Variants in FAM167A observed in about 807,000 individuals in gnomAD.
The protein encoded by FAM167A is protein FAM167A.
FAM167A carries 23 observed loss-of-function variants against 14.9 expected under a neutral mutation model. The observed-to-expected ratio is 1.55, with a 90% CI of 1.11 to 2.19. FAM167A has a LOEUF of 2.19. Ranked by LOEUF, FAM167A falls within the 30% of genes most tolerant of loss-of-function variation. The pLI is 0.00. For synonymous variants in FAM167A, 174 were observed against 117.7 expected (o/e 1.48, Z -3.10); for missense variants, 401 against 281.5 (o/e 1.42, Z -3.04).
At chr8:11,436,222 G>T (rs907425096) in intron 2 of FAM167A, among the ~76,000 whole-genome samples, 4 of 152,248 alleles carry the variant, frequency 2.6e-5, no homozygotes, top group Non-Finnish European at 5.9e-5. Flanking sequence ...TCAGACTGGA[G>T]ATGCGGTGGG....
At chr8:11,461,376 G>C (rs1352535411) in intron 1 of FAM167A, among the ~76,000 whole-genome samples, 2 of 152,282 alleles carry the variant, frequency 1.3e-5, no homozygotes, top group Non-Finnish European at 2.9e-5. Context: ...GCCCAGACGG[G>C]CTAAGGCAGC....
chr8:11,463,626 C>T (rs1485360669), intron 1 of FAM167A, among the ~76,000 whole-genome samples: 1 of 152,188 alleles, frequency 6.6e-6, no homozygotes, highest in East Asian at 1.9e-4. Flanking sequence ...TGGGCCTGTC[C>T]CTCTAGGGAT....
At chr8:11,433,929 A>G (rs1289257981) in intron 2 of FAM167A, 1 of 152,170 alleles carries the variant, frequency 6.6e-6, no homozygotes, top group African/African-American at 2.4e-5. Flanking sequence ...GGTCTGCCTT[A>G]TTATTTTCGT....
chr8:11,444,516 G>T lies in FAM167A; in HGVS notation c.-105C>A. ...CCCGCTCTGGGATGGCCTCATCCAG[G>T]TGCCCGAGGGCATTTCCGGGACAGG... On this transcript the variant is annotated 5_prime_UTR_variant, in exon 2 of 3. Coordinates refer to ENST00000284486, the MANE Select transcript of FAM167A (RefSeq NM_053279.3). 1 of 1,478,336 alleles carries T rather than the reference G, an allele frequency of 6.8e-7. No individual in the cohort carries two copies. Among genetic ancestry groups the T allele is most frequent in the Non-Finnish European group, 8.9e-7 (1 of 1,121,384 alleles). 91.6% of individuals were successfully genotyped at this position (1,478,336 alleles called of 1,614,324 possible).
intron 2 of FAM167A, among the ~76,000 whole-genome samples, chr8:11,428,010 G>A (rs1043343563): frequency 4.6e-5 from 7 of 152,238 alleles, no homozygotes; most frequent in African/African-American, 1.7e-4. Context: ...CTGCCTGAAA[G>A]ATATTGTCTG....
chr8:11,435,702 T>A (rs73663141), intron 2 of FAM167A, among the ~76,000 whole-genome samples: 217 of 152,324 alleles, frequency 1.4e-3, no homozygotes, highest in African/African-American at 5.0e-3. Context: ...CTCTTCAACT[T>A]GCTGGTGACG....
At chr8:11,459,926 C>A (rs1807471376) in intron 1 of FAM167A, among the ~76,000 whole-genome samples, 1 of 152,204 alleles carries the variant, frequency 6.6e-6, no homozygotes, top group African/African-American at 2.4e-5. Context: ...CGGGGTTTCA[C>A]CATATTGGCC....
chr8:11,445,497 T>A, intron 1 of FAM167A: 5 of 985,704 alleles, frequency 5.1e-6, no homozygotes, highest in Non-Finnish European at 6.0e-6. Context: ...GCTGGATGGC[T>A]AAACAAGCAG....
chr8:11,467,212 A>G (rs529213051), upstream of FAM167A, among the ~76,000 whole-genome samples: 1 of 152,348 alleles, frequency 6.6e-6, no homozygotes, highest in Non-Finnish European at 1.5e-5. Flanking sequence ...CAGCAGGGCA[A>G]GTGTAGGCAT....
chr8:11,456,383 CCTGG>C (rs1585274518), intron 1 of FAM167A, among the ~76,000 whole-genome samples: 15 of 7,506 alleles, frequency 2.0e-3, no homozygotes, highest in Non-Finnish European at 2.3e-3. Flanking sequence ...GGTTGCCCTG[CCTGG>C]TGTGTGTGTG....
At chr8:11,437,701 C>T (rs541352527) in intron 2 of FAM167A, among the ~76,000 whole-genome samples, 15 of 152,168 alleles carry the variant, frequency 9.9e-5, no homozygotes, top group East Asian at 1.9e-4. Flanking sequence ...TTTTAGCAAA[C>T]GCTCTAGGTG....
chr8:11,434,056 C>T (rs1172352902), intron 2 of FAM167A: 1 of 152,168 alleles, frequency 6.6e-6, no homozygotes, highest in African/African-American at 2.4e-5. Flanking sequence ...GCAGGAGTGC[C>T]CTTCAAACAC....
intron 2 of FAM167A, among the ~76,000 whole-genome samples, chr8:11,426,800 G>A (rs1040781360): frequency 3.9e-5 from 6 of 152,174 alleles, no homozygotes; most frequent in African/African-American, 1.2e-4. Context: ...GTTTAGGGTA[G>A]AGGAAAAGTC....
At chr8:11,443,862 G>GACGCCTGCCTTCAACTC in intron 2 of FAM167A, among the ~76,000 whole-genome samples, 169 bp downstream of exon 2, 1 of 152,118 alleles carries the variant, frequency 6.6e-6, no homozygotes, top group South Asian at 2.1e-4. Context: ...ACATACAAAT[G>GACGCCTGCCTTCAACTC]ACGCCTGCCT....
At position 11,444,814 on chromosome 8, in the gene FAM167A, G is replaced by C; in HGVS notation, c.-397-6C>G. The stretch of plus-strand genomic sequence containing the variant: ...AGGGCAGGTGGCTGGAGACCCTGTG[G>C]GAGGGATGAGAACCGCATCAGTCCC... On this transcript the variant is annotated splice_polypyrimidine_tract_variant and splice_region_variant and intron_variant, in intron 1 of 2. Coordinates refer to ENST00000284486, the MANE Select transcript of FAM167A (RefSeq NM_053279.3). 1.0e-6 allele frequency: 1 copy of C among 1,003,256 alleles called. No individual in the cohort carries two copies. The allele number at this position is 1,003,256 out of a possible 1,614,324, so 62.1% of individuals were successfully genotyped here.
At chr8:11,468,176 T>C (rs1807847202), upstream of FAM167A, among the ~76,000 whole-genome samples, 1 of 152,206 alleles carries the variant, frequency 6.6e-6, no homozygotes, top group Non-Finnish European at 1.5e-5. Flanking sequence ...CTCTTAAGAA[T>C]GGAAATCCAG....
chr8:11,461,274 G>A (rs1807526811), intron 1 of FAM167A, among the ~76,000 whole-genome samples: 1 of 152,266 alleles, frequency 6.6e-6, no homozygotes, highest in South Asian at 2.1e-4. Flanking sequence ...GAATCTGACA[G>A]TTTGGAGGAG....
chr8:11,424,351 C>G lies in FAM167A; in HGVS notation c.*22G>C, dbSNP rs1022321826. ...CAGCCCAAGCCCTCCGCTCCAGCCC[C>G]TCCGCCCAGTCTGAGGGCTCCTCAG... On this transcript the variant is annotated 3_prime_UTR_variant, in exon 3 of 3. Coordinates refer to ENST00000284486, the MANE Select transcript of FAM167A (RefSeq NM_053279.3). 2 of 1,613,208 alleles carry G rather than the reference C, an allele frequency of 1.2e-6. No individual in the cohort carries two copies. The highest frequency in any genetic ancestry group is 1.7e-6 in the Non-Finnish European group (2 of 1,179,426).
At chr8:11,451,306 G>A (rs1037462734) in intron 1 of FAM167A, among the ~76,000 whole-genome samples, 12 of 152,366 alleles carry the variant, frequency 7.9e-5, no homozygotes, top group Admixed American at 5.2e-4. Context: ...AAGGAGCTGG[G>A]GGCCCGCAGC....
Sources: allele counts gnomAD v4.1 joint callset (sites outside exome capture counted in the v4.1 genomes callset), GRCh38; gene constraint gnomAD v4.1.1; transcripts MANE v1.5; gene names NCBI Gene and HGNC (gene_info 2026-07-23, HGNC 2026-07-21).